BNC2: variants seen among roughly 807,000 people sequenced by gnomAD.
BNC2 encodes the protein zinc finger protein basonuclin-2.
A neutral mutation model predicts 76.3 loss-of-function variants in BNC2; 20 were observed. That is an observed-to-expected ratio of 0.26 (90% CI 0.18 to 0.38). The LOEUF (loss-of-function observed/expected upper bound fraction) is 0.38, where lower values mean the gene tolerates loss of function less well. Ranked by LOEUF, BNC2 falls within the 10% of genes least tolerant of loss-of-function variation. BNC2 has a pLI of 1.00. For synonymous variants in BNC2, 582 were observed against 514.8 expected (o/e 1.13, Z -1.77); for missense variants, 1,382 against 1,399.8 (o/e 0.99, Z 0.20).
At chr9:16,552,312 G>A (rs373214695) in intron 5 of BNC2, among the ~76,000 whole-genome samples, 6 of 152,166 alleles carry the variant, frequency 3.9e-5, no homozygotes, top group East Asian at 1.9e-4. Context: ...CAAAGGTAAC[G>A]CAAGTCAAGA....
intron 5 of BNC2, among the ~76,000 whole-genome samples, chr9:16,498,296 C>CATATATATAT (rs150566244): frequency 2.9e-5 from 3 of 102,186 alleles, no homozygotes; most frequent in African/African-American, 8.9e-5. Flanking sequence ...TATATTCCAT[C>CATATATATAT]ATATATATAT....
chr9:16,788,312 G>A (rs1341871499), intron 1 of BNC2, among the ~76,000 whole-genome samples: 5 of 151,864 alleles, frequency 3.3e-5, no homozygotes, highest in Non-Finnish European at 5.9e-5. Context: ...CCAGCACTCT[G>A]GGAGGCCAAG....
intron 5 of BNC2, among the ~76,000 whole-genome samples, chr9:16,462,913 T>C (rs1821616592): frequency 6.6e-6 from 1 of 152,308 alleles, no homozygotes; most frequent in East Asian, 1.9e-4. Flanking sequence ...CCAGGCTTGT[T>C]TGATGTCCTA....
chr9:16,752,018 G>A (rs906441653), intron 1 of BNC2, among the ~76,000 whole-genome samples: 2 of 152,068 alleles, frequency 1.3e-5, no homozygotes, highest in Non-Finnish European at 2.9e-5. Flanking sequence ...AACAGAGCAA[G>A]ACTCTAAAAA....
intron 1 of BNC2, among the ~76,000 whole-genome samples, chr9:16,745,081 A>C (rs186077564): frequency 6.6e-6 from 1 of 152,328 alleles, no homozygotes; most frequent in Non-Finnish European, 1.5e-5. Context: ...TTGGCAAGTT[A>C]CTTATCCAAA....
At position 16,605,530 on chromosome 9, in the gene BNC2, A is replaced by G. The variant is rs534558573; in HGVS notation, c.331-22445T>C. On this transcript the variant is annotated intron_variant, in intron 3 of 6. Transcript: ENST00000380672. ...TGCTTTACCACCTCTAAGCTTCAACATTTTTCTTTAAGTCCCATGACTACT... is the reference window on the plus strand; with the variant it reads ...TGCTTTACCACCTCTAAGCTTCAACGTTTTTCTTTAAGTCCCATGACTACT... Among the ~76,000 whole-genome samples the G allele has an allele frequency of 5.9e-5, 9 of 152,262 alleles. No homozygotes were observed. The South Asian group carries it at 1.9e-3, about 32-fold the overall frequency.
chr9:16,520,111 G>A (rs1481091553), intron 5 of BNC2, among the ~76,000 whole-genome samples: 1 of 152,188 alleles, frequency 6.6e-6, no homozygotes, highest in African/African-American at 2.4e-5. Context: ...TTCTCTTCCA[G>A]CTAAATGCAC....
At chr9:16,473,085 T>C (rs1821858016) in intron 5 of BNC2, 1 of 152,188 alleles carries the variant, frequency 6.6e-6, no homozygotes, top group Non-Finnish European at 1.5e-5. Context: ...GAAGAGCAAA[T>C]CAGGTGGCTC....
intron 1 of BNC2, among the ~76,000 whole-genome samples, chr9:16,787,674 C>A (rs918479041): frequency 3.3e-5 from 5 of 152,114 alleles, no homozygotes; most frequent in African/African-American, 1.2e-4. Flanking sequence ...CTGGCCACCG[C>A]TTCCTACAGT....
chr9:16,633,734 T>A (rs1821234271), intron 3 of BNC2, among the ~76,000 whole-genome samples: 2 of 152,160 alleles, frequency 1.3e-5, no homozygotes, highest in Non-Finnish European at 2.9e-5. Flanking sequence ...CAGATCCAAG[T>A]AAATAGCGGT....
chr9:16,472,516 A>C (rs1821847074), intron 5 of BNC2, among the ~76,000 whole-genome samples: 1 of 152,230 alleles, frequency 6.6e-6, no homozygotes, highest in Admixed American at 6.5e-5. Flanking sequence ...AAAATTCAGA[A>C]GAGGTCACAT....
chr9:16,603,966 T>A (rs542974226), intron 3 of BNC2, among the ~76,000 whole-genome samples: 2 of 152,166 alleles, frequency 1.3e-5, no homozygotes, highest in South Asian at 4.2e-4. Flanking sequence ...TTTCCTCAAA[T>A]CAAAAAGATA....
chr9:16,717,133 A>C (rs1285722007), intron 3 of BNC2, among the ~76,000 whole-genome samples: 1 of 152,198 alleles, frequency 6.6e-6, no homozygotes, highest in Non-Finnish European at 1.5e-5. Context: ...TTAGAAATAG[A>C]CACCTGGAAC....
chr9:16,739,682 G>A (rs1188194995), intron 1 of BNC2, among the ~76,000 whole-genome samples: 1 of 151,812 alleles, frequency 6.6e-6, no homozygotes, highest in Non-Finnish European at 1.5e-5. Context: ...CAATCAATCA[G>A]TCAATAATCT....
In BNC2 at chr9:16,419,501, C is replaced by G; in HGVS notation, c.2788G>C (p.Asp930His). The stretch of plus-strand genomic sequence containing the variant: ...GGAGAGGAGGCGTCTTCCCTGACAT[C>G]GAGCCCCATGGGGTGCTGGGCACCA... The part of the protein sequence containing the change: ...IYGAQHPMGL[D>H]VREDASSPAG... Residue 930 changes from aspartate (D) to histidine (H), a missense_variant, in exon 7 of 7, where the codon GAT (aspartate) becomes CAT (histidine). Physicochemically the swap from Asp to His is moderately conservative, Grantham distance 81 (BLOSUM62 -1). Transcript: ENST00000380672. The G allele has an allele frequency of 6.2e-7, 1 of 1,614,122 alleles. No homozygotes were observed. The highest frequency in any genetic ancestry group is 8.5e-7 in the Non-Finnish European group (1 of 1,180,024).
intron 3 of BNC2, among the ~76,000 whole-genome samples, chr9:16,657,499 G>C (rs141465642): frequency 2.6e-5 from 4 of 152,178 alleles, no homozygotes; most frequent in African/African-American, 9.6e-5. Flanking sequence ...GGAGGCTAAG[G>C]CAGAAGAGGA....
chr9:16,591,693 A>G (rs2133181547), intron 3 of BNC2, among the ~76,000 whole-genome samples: 1 of 152,366 alleles, frequency 6.6e-6, no homozygotes, highest in South Asian at 2.1e-4. Context: ...CTAATGTAAT[A>G]GTAACAGCAG....
intron 1 of BNC2, among the ~76,000 whole-genome samples, chr9:16,772,737 G>C (rs1287597371): frequency 6.6e-6 from 1 of 152,132 alleles, no homozygotes; most frequent in African/African-American, 2.4e-5. Flanking sequence ...CTTTTGGTCT[G>C]GAGGATGTGT....
chr9:16,762,418 A>G (rs1175437177), intron 1 of BNC2, among the ~76,000 whole-genome samples: 1 of 152,164 alleles, frequency 6.6e-6, no homozygotes, highest in Non-Finnish European at 1.5e-5. Context: ...AACAAAGAAA[A>G]TGAAAGTTGC....
Sources: allele counts gnomAD v4.1 joint callset (sites outside exome capture counted in the v4.1 genomes callset), GRCh38; gene constraint gnomAD v4.1.1; transcripts MANE v1.5; gene names NCBI Gene and HGNC (gene_info 2026-07-23, HGNC 2026-07-21).